Variants in FHIT observed in about 807,000 individuals in gnomAD.
The protein encoded by FHIT is bis(5'-adenosyl)-triphosphatase.
FHIT carries 19 observed loss-of-function variants against 17.9 expected under a neutral mutation model. That is an observed-to-expected ratio of 1.06 (90% CI 0.74 to 1.56). The LOEUF is 1.56. FHIT is among the 40% of genes most tolerant of loss of function. FHIT has a pLI of 0.00. For missense variants in FHIT, 248 were observed against 189.2 expected, an observed-to-expected ratio of 1.31 and a Z score of -1.82; for synonymous variants, 81 against 69.7, an observed-to-expected ratio of 1.16 and a Z score of -0.81.
intron 5 of FHIT, among the ~76,000 whole-genome samples, chr3:60,262,424 C>T (rs1347495139): frequency 6.6e-6 from 1 of 152,114 alleles, no homozygotes; most frequent in Admixed American, 6.6e-5. Flanking sequence ...ACCACCCCTA[C>T]AAACCTTTTG....
At chr3:61,208,595 T>G (rs556806040) in intron 1 of FHIT, among the ~76,000 whole-genome samples, 1 of 152,106 alleles carries the variant, frequency 6.6e-6, no homozygotes, top group Non-Finnish European at 1.5e-5. Flanking sequence ...TTTTGATCTT[T>G]GTTGGTTTAA....
chr3:61,132,080 T>C (rs966460104), intron 2 of FHIT, among the ~76,000 whole-genome samples: 2 of 152,250 alleles, frequency 1.3e-5, no homozygotes, highest in Admixed American at 6.5e-5. Context: ...AATGCTTTCA[T>C]GTAGGGTGGT....
At chr3:60,577,688 T>A (rs1379831729) in intron 4 of FHIT, among the ~76,000 whole-genome samples, 1 of 152,074 alleles carries the variant, frequency 6.6e-6, no homozygotes, top group African/African-American at 2.4e-5. Context: ...TGAAATTTGG[T>A]TGGAAGTCTT....
intron 8 of FHIT, among the ~76,000 whole-genome samples, chr3:59,863,137 A>T (rs1702480350): frequency 6.6e-6 from 1 of 152,210 alleles, no homozygotes; most frequent in African/African-American, 2.4e-5. Context: ...TTAAGGTGAG[A>T]TATTTAGAAA....
intron 5 of FHIT, among the ~76,000 whole-genome samples, chr3:60,530,899 T>C (rs1044886800): frequency 5.9e-5 from 9 of 152,218 alleles, no homozygotes; most frequent in Admixed American, 3.9e-4. Flanking sequence ...CTGGTGGCCA[T>C]GTACTCTAAT....
chr3:61,191,231 G>T (rs142144244), intron 2 of FHIT, among the ~76,000 whole-genome samples: 7 of 152,226 alleles, frequency 4.6e-5, no homozygotes, highest in Admixed American at 2.6e-4. Flanking sequence ...GTGTTTCTGG[G>T]TGAGATTAGC....
chr3:60,517,881 G>A (rs570663527), intron 5 of FHIT, among the ~76,000 whole-genome samples: 16 of 152,262 alleles, frequency 1.1e-4, no homozygotes, highest in Admixed American at 9.8e-4. Context: ...GAACCATACT[G>A]CCCGGTTCAT....
chr3:60,446,821 C>T (rs1032075134), intron 5 of FHIT, among the ~76,000 whole-genome samples: 4 of 150,654 alleles, frequency 2.7e-5, no homozygotes, highest in Non-Finnish European at 5.9e-5. Flanking sequence ...CTACTGCAAT[C>T]CAGCCTGGGC....
intron 5 of FHIT, among the ~76,000 whole-genome samples, chr3:60,177,021 G>C (rs1385469904): frequency 6.6e-6 from 1 of 150,592 alleles, no homozygotes; most frequent in African/African-American, 2.4e-5. Flanking sequence ...AATTGTGGGA[G>C]AAAAAAAAAT....
chr3:60,540,268 A>C (rs1286537912), intron 4 of FHIT, among the ~76,000 whole-genome samples: 4 of 152,194 alleles, frequency 2.6e-5, no homozygotes, highest in Non-Finnish European at 5.9e-5. Context: ...TCTTTTCATC[A>C]GTATCCTTTG....
intron 5 of FHIT, among the ~76,000 whole-genome samples, chr3:60,231,210 T>A (rs973987736): frequency 2.6e-5 from 4 of 152,210 alleles, no homozygotes; most frequent in Non-Finnish European, 5.9e-5. Context: ...TTTGCAGATA[T>A]ATATGTGTGT....
At chr3:60,782,646 G>A (rs71313793) in intron 4 of FHIT, among the ~76,000 whole-genome samples, 2,454 of 152,258 alleles carry the variant, frequency 0.016, 30 homozygotes, top group Non-Finnish European at 0.027. Context: ...TCCCCTGTGG[G>A]CCTGTCTTAT....
At chr3:59,856,412 A>C (rs1702158794) in intron 8 of FHIT, among the ~76,000 whole-genome samples, 1 of 152,130 alleles carries the variant, frequency 6.6e-6, no homozygotes, top group Non-Finnish European at 1.5e-5. Flanking sequence ...TTTTATGCAA[A>C]CTCTTCCATA....
In FHIT at chr3:60,216,759, T is replaced by C. The variant is rs933655296; in HGVS notation, c.104-202607A>G. Among the ~76,000 whole-genome samples, 6 of 152,114 alleles carry C rather than the reference T, an allele frequency of 3.9e-5. No homozygotes were observed. The East Asian group carries it at 9.6e-4, about 24-fold the overall frequency. On this transcript the variant is annotated intron_variant, in intron 5 of 9. Transcript: ENST00000492590. ...GCTATCACCTAAGCCACAAACAAAATTGATTTTTCCAGACATGTTCCAGTG... is the reference window on the plus strand; with the variant it reads ...GCTATCACCTAAGCCACAAACAAAACTGATTTTTCCAGACATGTTCCAGTG...
rs75069917 is a variant in FHIT, at chr3:60,878,113, G to A, written c.-110-56102C>T. On this transcript the variant is annotated intron_variant, in intron 3 of 9. Transcript: ENST00000492590. ...TGCTTCTTTCCCAGAGCTGAGCCAGGGCTGTATCCTATTCCCCAGGGGTAG... is the reference window on the plus strand; with the variant it reads ...TGCTTCTTTCCCAGAGCTGAGCCAGAGCTGTATCCTATTCCCCAGGGGTAG... 3.2e-3 allele frequency among the ~76,000 whole-genome samples: 482 copies of A among 152,112 alleles called. 5 individuals carry two copies. Among genetic ancestry groups the A allele is most frequent in the African/African-American group, 0.011 (462 of 41,476 alleles).
intron 3 of FHIT, among the ~76,000 whole-genome samples, chr3:60,924,132 G>A (rs1276422716): frequency 6.6e-6 from 1 of 152,318 alleles, no homozygotes; most frequent in East Asian, 1.9e-4. Context: ...ACCTCTGGGG[G>A]CAGGGCATAG....
chr3:60,823,489 C>G (rs1458596741), intron 3 of FHIT, among the ~76,000 whole-genome samples: 3 of 152,130 alleles, frequency 2.0e-5, no homozygotes, highest in African/African-American at 7.2e-5. Flanking sequence ...CGTGAAGACA[C>G]AGAGACACAC....
chr3:60,222,694 A>C (rs1704017270), intron 5 of FHIT, among the ~76,000 whole-genome samples: 1 of 152,134 alleles, frequency 6.6e-6, no homozygotes, highest in Admixed American at 6.5e-5. Flanking sequence ...TTTAAATATA[A>C]CTTCAGTAGC....
At chr3:61,005,995 G>T (rs1267711282) in intron 3 of FHIT, among the ~76,000 whole-genome samples, 1 of 152,100 alleles carries the variant, frequency 6.6e-6, no homozygotes, top group African/African-American at 2.4e-5. Context: ...AGCAGGCAAG[G>T]GAAGGCAGCA....
Sources: gnomAD v4.1 joint callset for allele counts (sites outside exome capture counted in the v4.1 genomes callset) on GRCh38, gnomAD v4.1.1 for gene constraint, MANE v1.5 for transcripts, NCBI Gene and HGNC (gene_info 2026-07-23, HGNC 2026-07-21) for gene names.